The following SMG5 variants were observed in gnomAD, a reference collection of about 807,000 sequenced individuals.
SMG5 encodes the protein nonsense-mediated mRNA decay factor SMG5.
A neutral mutation model predicts 122.9 loss-of-function variants in SMG5; 53 were observed. The observed-to-expected ratio is 0.43, with a 90% CI of 0.35 to 0.54. The LOEUF (loss-of-function observed/expected upper bound fraction) is 0.54. SMG5 is among the 20% of genes least tolerant of loss of function. The probability of loss-of-function intolerance (pLI) is 0.01; values close to 1 mark genes in which losing one functional copy is unlikely to be tolerated. For synonymous variants in SMG5, 477 were observed against 490.2 expected (o/e 0.97, Z 0.35); for missense variants, 1,153 against 1,285.6 (o/e 0.90, Z 1.58).
Position 156,273,459 on chromosome 1 carries a change from G to T in SMG5, c.545-9C>A, listed in dbSNP as rs752957761. 6.2e-7 allele frequency: 1 copy of T among 1,612,896 alleles called. No individual in the cohort carries two copies. Among genetic ancestry groups the T allele is most frequent in the Admixed American group, 1.7e-5 (1 of 59,914 alleles). ...TTCATTCTGATATCGGGCTGCACAA[G>T]AGAGAAAACGAAGGGAAACTCGATG... On this transcript the variant is annotated splice_polypyrimidine_tract_variant and intron_variant, in intron 5 of 21. Coordinates refer to ENST00000361813, the MANE Select transcript of SMG5 (RefSeq NM_015327.3).
chr1:156,273,511 C>G, intron 5 of SMG5, 61 bp from the exon 6 acceptor site: 2 of 1,486,350 alleles, frequency 1.3e-6, no homozygotes, highest in Non-Finnish European at 9.3e-7. Flanking sequence ...AACCCTCCCC[C>G]ACATCTGGGA....
At chr1:156,266,497 C>T (rs368217777) in intron 11 of SMG5, 44 bp downstream of exon 11, 21 of 1,613,218 alleles carry the variant, frequency 1.3e-5, no homozygotes, top group Non-Finnish European at 1.8e-5. Flanking sequence ...TCCCCATGCC[C>T]CACACCAACC....
intron 13 of SMG5, among the ~76,000 whole-genome samples, chr1:156,263,107 ATAC>A (rs1417717897): frequency 6.6e-6 from 1 of 152,174 alleles, no homozygotes; most frequent in Non-Finnish European, 1.5e-5. Flanking sequence ...CCTTGAACAC[ATAC>A]TTCTACCGGC....
At chr1:156,266,819 A>G in intron 10 of SMG5, 141 bp from the exon 11 acceptor site, 1 of 1,029,798 alleles carries the variant, frequency 9.7e-7, no homozygotes, top group Non-Finnish European at 1.4e-6. Flanking sequence ...TTTTTTTTTA[A>G]CTTTTTAGAG....
At chr1:156,275,176 T>C (rs1662628539) in intron 4 of SMG5, among the ~76,000 whole-genome samples, 1 of 134,796 alleles carries the variant, frequency 7.4e-6, no homozygotes, top group South Asian at 2.4e-4. Context: ...ACAACAAAAT[T>C]TAAAAAAGAA....
chr1:156,249,500 C>T lies in SMG5; in HGVS notation c.*1087G>A, dbSNP rs1045980429. The T allele has an allele frequency of 1.1e-5, 4 of 351,734 alleles. No homozygotes were observed. The highest frequency in any genetic ancestry group is 4.3e-5 in the African/African-American group (2 of 46,590). The allele number at this position is 351,734 out of a possible 1,614,324, so 21.8% of individuals were successfully genotyped here. A position where few individuals can be genotyped will look rare whatever the true frequency, so the allele number is the denominator to read the frequency against. The stretch of plus-strand genomic sequence containing the variant: ...GCAATCCTGGCTGCAGCCTCCCACA[C>T]ACAGCCCTGCTCTTGGTGCGCCATT... On this transcript the variant is annotated 3_prime_UTR_variant, in exon 22 of 22. Coordinates refer to ENST00000361813, the MANE Select transcript of SMG5 (RefSeq NM_015327.3).
intron 13 of SMG5, 130 bp downstream of exon 13, chr1:156,263,265 G>C (rs1350696645): frequency 1.1e-5 from 11 of 1,045,944 alleles, no homozygotes; most frequent in Non-Finnish European, 1.6e-5. Context: ...GCCCAGCACA[G>C]ATAGGTGATT....
At chr1:156,286,568 G>A (rs186318568), upstream of SMG5, 509 of 1,293,694 alleles carry the variant, frequency 3.9e-4, 1 homozygote, top group Non-Finnish European at 5.1e-4. Flanking sequence ...GGAGCTTTCC[G>A]GATTCTACAC....
Position 156,277,213 on chromosome 1 carries a change from C to G in SMG5, c.326G>C (p.Cys109Ser). 1 of 1,613,686 alleles carries G rather than the reference C, an allele frequency of 6.2e-7. No individual in the cohort carries two copies. The highest frequency in any genetic ancestry group is 8.5e-7 in the Non-Finnish European group (1 of 1,179,944). ...AGCAACCAGGTGCGTCCTGTAGGCACATTCCAAAGTGCTCCGGCTGTGGAT... is the reference window on the plus strand; with the variant it reads ...AGCAACCAGGTGCGTCCTGTAGGCAGATTCCAAAGTGCTCCGGCTGTGGAT... ...KHIHSRSTLE[C>S]AYRTHLVAGI... The change falls in exon 4 of 22, where the codon TGT becomes TCT. Residue 109 changes from cysteine to serine, a missense_variant. Cys to Ser is a moderately radical substitution (Grantham distance 112). Transcript: ENST00000361813.
At position 156,266,383 on chromosome 1, in the gene SMG5, G is replaced by A. The variant is rs1662141364; in HGVS notation, c.1256-3C>T. The A allele has an allele frequency of 6.2e-7, 1 of 1,609,172 alleles. No homozygotes were observed. The highest frequency in any genetic ancestry group is 8.5e-7 in the Non-Finnish European group (1 of 1,176,658). ...AGGTTCCTTGGACTCTGGTTCATCT[G>A]CGGAAAGAGGAAGGTCAGGTGGAGC... On this transcript the variant is annotated splice_region_variant and splice_polypyrimidine_tract_variant and intron_variant, in intron 11 of 21. Coordinates refer to ENST00000361813, the MANE Select transcript of SMG5 (RefSeq NM_015327.3).
intron 12 of SMG5, 23 bp downstream of exon 12, chr1:156,265,758 G>A (rs765658202): frequency 6.2e-7 from 1 of 1,606,202 alleles, no homozygotes; most frequent in Non-Finnish European, 8.5e-7. Flanking sequence ...GACCAGAACA[G>A]GATGATGAAG....
At chr1:156,262,367 T>C (rs1661888908) in intron 13 of SMG5, among the ~76,000 whole-genome samples, 1 of 150,146 alleles carries the variant, frequency 6.7e-6, no homozygotes, top group African/African-American at 2.5e-5. Flanking sequence ...TCCCAGCTAC[T>C]CGGGAGGCTG....
chr1:156,282,495 TCCTCACCCGCA>T (rs908015714), intron 1 of SMG5, 101 bp downstream of exon 1: 17 of 1,196,994 alleles, frequency 1.4e-5, no homozygotes, highest in Admixed American at 2.3e-5. Flanking sequence ...GCACCCTCCT[TCCTCACCCGCA>T]CCTCACCCCG....
rs2101572263 is a variant in SMG5 at position 156,278,974 on chromosome 1, T to C, written c.135A>G (p.Gln45=). The C allele has an allele frequency of 6.2e-7, 1 of 1,614,234 alleles. No individual in the cohort carries two copies. Among genetic ancestry groups the C allele is most frequent in the East Asian group, 2.2e-5 (1 of 44,892 alleles). ...TAATGTTTTCTGGTTTGAATACTTC[T>C]TGATAAGCAGTTTTGTTGCAAAGGA... The part of the protein sequence containing the change: ...DLILCNKTAY[Q]EVFKPENISL... The change falls in exon 2 of 22, where the codon CAA becomes CAG. Residue 45 remains glutamine, a synonymous_variant. Coordinates refer to ENST00000361813, the MANE Select transcript of SMG5 (RefSeq NM_015327.3).
At chr1:156,268,447 T>C in intron 7 of SMG5, 32 bp from the exon 8 acceptor site, 1 of 1,609,116 alleles carries the variant, frequency 6.2e-7, no homozygotes, top group Non-Finnish European at 8.5e-7. Context: ...TACTGAGTCT[T>C]GGCAGGGGGA....
intron 7 of SMG5, among the ~76,000 whole-genome samples, chr1:156,271,559 T>C (rs1375400690): frequency 6.8e-6 from 1 of 146,870 alleles, no homozygotes; most frequent in Non-Finnish European, 1.5e-5. Context: ...TTGGGTGCCC[T>C]GAAGAGGTTT....
chr1:156,285,809 C>T (rs61814771), upstream of SMG5: 83 of 1,613,552 alleles, frequency 5.1e-5, no homozygotes, highest in Non-Finnish European at 6.7e-5. Flanking sequence ...CTGTGGAGAC[C>T]GTGAGTGGCT....
At chr1:156,262,779 C>T (rs867766418) in intron 13 of SMG5, among the ~76,000 whole-genome samples, 2 of 152,182 alleles carry the variant, frequency 1.3e-5, no homozygotes, top group Admixed American at 6.5e-5. Flanking sequence ...GGGACTGGGG[C>T]GACCCACAGG....
chr1:156,261,391 C>T lies in SMG5; in HGVS notation c.2049G>A (p.Trp683Ter). The T allele has an allele frequency of 6.2e-7, 1 of 1,614,114 alleles. No individual in the cohort carries two copies. The highest frequency in any genetic ancestry group is 8.5e-7 in the Non-Finnish European group (1 of 1,180,014). ...GATTCAGCAACACAGACAGGCGGTTCCACAGACTTTGAGAGCTCTGGGGAG... is the reference window on the plus strand; with the variant it reads ...GATTCAGCAACACAGACAGGCGGTTTCACAGACTTTGAGAGCTCTGGGGAG... ...IVCAQSSQSL[W>*]NRLSVLLNLL... is the part of the protein sequence containing the mutation. The change falls in exon 14 of 22, where the codon TGG becomes TGA. Residue 683 changes from tryptophan to a stop codon, truncating the protein, a stop_gained. Coordinates refer to ENST00000361813, the MANE Select transcript of SMG5 (RefSeq NM_015327.3). LOFTEE classifies it high-confidence loss of function.
Sources: allele counts gnomAD v4.1 joint callset (sites outside exome capture counted in the v4.1 genomes callset), GRCh38; gene constraint gnomAD v4.1.1; transcripts MANE v1.5; gene names NCBI Gene and HGNC (gene_info 2026-07-23, HGNC 2026-07-21).